The following ZNG1F variants were observed in gnomAD, a reference collection of about 807,000 sequenced individuals.
ZNG1F encodes the protein Zn regulated GTPase metalloprotein activator 1F.
the ZNG1F span, among the ~76,000 whole-genome samples, chr9:41,183,114 T>C: frequency 8.2e-6 from 1 of 122,670 alleles, no homozygotes; most frequent in Non-Finnish European, 1.7e-5. Flanking sequence ...TGAGTGCTAC[T>C]ATGTGTTGGG....
chr9:41,169,201 T>C, the ZNG1F span, among the ~76,000 whole-genome samples: 1 of 151,322 alleles, frequency 6.6e-6, no homozygotes, highest in Non-Finnish European at 1.5e-5. Flanking sequence ...ATTTCCCTCA[T>C]GTGACTTCCT....
At chr9:41,169,165 T>A in the ZNG1F span, among the ~76,000 whole-genome samples, 2 of 151,294 alleles carry the variant, frequency 1.3e-5, no homozygotes, top group Non-Finnish European at 2.9e-5. Context: ...ATCTTAACAT[T>A]TATTTTCTTT....
At chr9:41,139,714 A>G in the ZNG1F span, among the ~76,000 whole-genome samples, 2 of 151,806 alleles carry the variant, frequency 1.3e-5, no homozygotes, top group Admixed American at 6.6e-5. Context: ...ACTAACAACC[A>G]CCTAAATGTC....
the ZNG1F span, among the ~76,000 whole-genome samples, chr9:41,185,733 G>A: frequency 6.2e-5 from 9 of 144,524 alleles, no homozygotes; most frequent in Non-Finnish European, 1.1e-4. Context: ...TTTACTTCTG[G>A]AGTCATTTAT....
chr9:41,178,938 A>C, the ZNG1F span, among the ~76,000 whole-genome samples: 1 of 130,580 alleles, frequency 7.7e-6, no homozygotes, highest in Non-Finnish European at 1.7e-5. Flanking sequence ...ATAGCTATAG[A>C]GAAGTCAATG....
At chr9:41,150,268 C>T in the ZNG1F span, among the ~76,000 whole-genome samples, 1 of 149,806 alleles carries the variant, frequency 6.7e-6, no homozygotes, top group East Asian at 2.0e-4. Context: ...TTCTGACGGG[C>T]TTAAAAAACC....
chr9:41,132,053 A>G, the ZNG1F span: 9 of 1,466,172 alleles, frequency 6.1e-6, 1 homozygote, highest in Non-Finnish European at 8.2e-6. Flanking sequence ...AAGAAGAACA[A>G]AAGTCCTAAC....
At chr9:41,156,016 A>C in the ZNG1F span, among the ~76,000 whole-genome samples, 1 of 109,892 alleles carries the variant, frequency 9.1e-6, no homozygotes, top group Non-Finnish European at 1.8e-5. Context: ...CTCAAGAAAA[A>C]ATAAAAAATA....
At chr9:41,158,903 C>A in the ZNG1F span, 1 of 139,060 alleles carries the variant, frequency 7.2e-6, no homozygotes, top group Non-Finnish European at 1.6e-5. Flanking sequence ...AAGACCATTA[C>A]CAGCATTTTA....
the ZNG1F span, chr9:41,134,098 G>C: frequency 6.8e-3 from 1,669 of 243,806 alleles, 71 homozygotes; most frequent in African/African-American, 0.032. Flanking sequence ...TACAGGGCCA[G>C]GTACTTTTGC....
the ZNG1F span, among the ~76,000 whole-genome samples, chr9:41,151,623 G>A: frequency 6.6e-6 from 1 of 151,110 alleles, no homozygotes; most frequent in Non-Finnish European, 1.5e-5. Flanking sequence ...TACCCTCAAA[G>A]GGAAGCCCAT....
At chr9:41,149,666 G>C in the ZNG1F span, among the ~76,000 whole-genome samples, 6 of 149,802 alleles carry the variant, frequency 4.0e-5, no homozygotes, top group Non-Finnish European at 7.4e-5. Context: ...GATGCCAGGG[G>C]CTATGAAGAC....
At chr9:41,142,674 A>ACAAAAAC in the ZNG1F span, among the ~76,000 whole-genome samples, 1 of 55,822 alleles carries the variant, frequency 1.8e-5, no homozygotes, top group Non-Finnish European at 4.5e-5. Flanking sequence ...AAAAAAAAAA[A>ACAAAAAC]ATACAAAAAT....
At chr9:41,134,081 CTCACT>C in the ZNG1F span, 31 of 318,718 alleles carry the variant, frequency 9.7e-5, 2 homozygotes, top group Non-Finnish European at 1.5e-4. Context: ...ATACAATGTA[CTCACT>C]ATACAGGGCC....
At chr9:41,155,294 A>T in the ZNG1F span, among the ~76,000 whole-genome samples, 2 of 150,356 alleles carry the variant, frequency 1.3e-5, no homozygotes, top group Non-Finnish European at 3.0e-5. Flanking sequence ...GCAAATCAAA[A>T]CCACAATGAG....
At chr9:41,187,651 G>C in the ZNG1F span, among the ~76,000 whole-genome samples, 1 of 147,174 alleles carries the variant, frequency 6.8e-6, no homozygotes, top group African/African-American at 2.5e-5. Context: ...GATTAGTCAG[G>C]AGGCTTTTAG....
the ZNG1F span, among the ~76,000 whole-genome samples, chr9:41,159,107 A>T: frequency 6.6e-6 from 1 of 150,534 alleles, no homozygotes; most frequent in East Asian, 2.0e-4. Flanking sequence ...GTGAAAACGA[A>T]GAGGGTTTTG....
chr9:41,205,143 C>T, the ZNG1F span, among the ~76,000 whole-genome samples: 1 of 122,536 alleles, frequency 8.2e-6, no homozygotes, highest in Admixed American at 8.9e-5. Context: ...TTTCTTCTGT[C>T]TTGTGCTGAA....
At chr9:41,144,385 G>A in the ZNG1F span, among the ~76,000 whole-genome samples, 1 of 89,150 alleles carries the variant, frequency 1.1e-5, no homozygotes, top group Non-Finnish European at 2.5e-5. Flanking sequence ...ATAAAGAACT[G>A]AGTTTTTTTT....
Sources: allele counts gnomAD v4.1 joint callset (sites outside exome capture counted in the v4.1 genomes callset), GRCh38; gene constraint gnomAD v4.1.1; transcripts MANE v1.5; gene names NCBI Gene and HGNC (gene_info 2026-07-23, HGNC 2026-07-21).